Variants in ADAMTS7 observed in about 807,000 individuals in gnomAD.
The protein encoded by ADAMTS7 is ADAM metallopeptidase with thrombospondin type 1 motif 7, also known as A disintegrin and metalloproteinase with thrombospondin motifs 7.
ADAMTS7 carries 89 observed loss-of-function variants against 172.6 expected under a neutral mutation model. The observed-to-expected ratio is 0.52, with a 90% CI of 0.43 to 0.61. The LOEUF is 0.61. ADAMTS7 is among the 20% of genes least tolerant of loss of function. The pLI, the probability that ADAMTS7 is intolerant of heterozygous loss-of-function variation, is 0.00. For synonymous variants in ADAMTS7, 885 were observed against 978.4 expected, an observed-to-expected ratio of 0.90 and a Z score of 1.78; for missense variants, 1,973 against 2,355.6, an observed-to-expected ratio of 0.84 and a Z score of 3.36.
rs776527968 is a variant in ADAMTS7, at chr15:78,766,269, G to A, written c.3642C>T (p.Thr1214=). The A allele has an allele frequency of 1.9e-6, 3 of 1,611,914 alleles. No homozygotes were observed. The highest frequency in any genetic ancestry group is 2.5e-6 in the Non-Finnish European group (3 of 1,180,002). ...SQLPPPWRDR[T]NEVFKDDEEP... Reference sequence around the variant, plus strand: ...CCTCATCATCCTTGAAAACCTCATTGGTCCTGTCCCGCCATGGAGGGGGCA... The same window carrying A: ...CCTCATCATCCTTGAAAACCTCATTAGTCCTGTCCCGCCATGGAGGGGGCA... The change falls in exon 19 of 24, where the codon ACC becomes ACT. Residue 1214 remains threonine, a synonymous_variant. Coordinates refer to ENST00000388820, the MANE Select transcript of ADAMTS7 (RefSeq NM_014272.5).
rs376831974 is a variant in ADAMTS7 at position 78,787,210 on chromosome 15, C to T, written c.1322+1021G>A. Among the ~76,000 whole-genome samples, 707 of 152,028 alleles carry T rather than the reference C, an allele frequency of 4.7e-3. 3 individuals are homozygous for T. The highest frequency in any genetic ancestry group is 0.015 in the African/African-American group (603 of 41,462). Reference sequence around the variant, plus strand: ...CACAGGAGTCAGCACCCCTGACCCCCGAGTTCTTCTGGGGTCAGCTATACT... The same window carrying T: ...CACAGGAGTCAGCACCCCTGACCCCTGAGTTCTTCTGGGGTCAGCTATACT... On this transcript the variant is annotated intron_variant, in intron 8 of 23. Coordinates refer to ENST00000388820, the MANE Select transcript of ADAMTS7 (RefSeq NM_014272.5).
chr15:78,784,816 A>T (rs2055479671), intron 8 of ADAMTS7, among the ~76,000 whole-genome samples: 1 of 152,188 alleles, frequency 6.6e-6, no homozygotes, highest in South Asian at 2.1e-4. Context: ...GACATTCTGA[A>T]GAAGAGTCAC....
At chr15:78,791,752 TATGGAGC>T (rs2055584262) in intron 4 of ADAMTS7, among the ~76,000 whole-genome samples, 2 of 152,110 alleles carry the variant, frequency 1.3e-5, no homozygotes, top group Non-Finnish European at 2.9e-5. Flanking sequence ...GGCACAGGCC[TATGGAGC>T]CTGCCCACTG....
intron 17 of ADAMTS7, among the ~76,000 whole-genome samples, chr15:78,767,856 AC>A (rs2055181895): frequency 6.6e-6 from 1 of 151,318 alleles, no homozygotes; most frequent in South Asian, 2.1e-4. Flanking sequence ...ACATCCAGGG[AC>A]CCAAAGAGGA....
At chr15:78,806,129 A>AC (rs1567245846) in intron 1 of ADAMTS7, among the ~76,000 whole-genome samples, 17 of 23,138 alleles carry the variant, frequency 7.3e-4, no homozygotes, top group African/African-American at 1.6e-3. Context: ...CACACACACA[A>AC]AAAAAAAAAA....
Position 78,766,844 on chromosome 15 carries a change from G to A in ADAMTS7, c.3067C>T (p.Pro1023Ser), listed in dbSNP as rs1596174839. Residue 1023 changes from proline to serine, a missense_variant, in exon 19 of 24, where the codon CCG (proline) becomes TCG (serine). Around this residue, in one of 8 missense-constraint regions of ADAMTS7, gnomAD observed 771 missense variants for 952.6 expected, o/e 0.81. Transcript: ENST00000388820. ...GAAGGGCGTGGGGCCAGGTGGTGCG[G>A]GATGAAGTCAGCCTCGTTGAAGAGC... The part of the protein sequence containing the change: ...HELFNEADFI[P>S]HHLAPRPSPA... 3.1e-6 allele frequency: 5 copies of A among 1,610,184 alleles called. No individual in the cohort carries two copies. The highest frequency in any genetic ancestry group is 4.2e-6 in the Non-Finnish European group (5 of 1,179,534).
intron 1 of ADAMTS7, chr15:78,810,852 C>A (rs2055857180): frequency 3.0e-6 from 1 of 330,564 alleles, no homozygotes; most frequent in Non-Finnish European, 5.4e-6. Flanking sequence ...AACCGGAGCC[C>A]GAAGAGCGGA....
Position 78,763,736 on chromosome 15 carries a change from TG to T in ADAMTS7, c.4702del (p.His1568ThrfsTer147), listed in dbSNP as rs1190975864. 4.4e-6 allele frequency: 7 copies of T among 1,591,066 alleles called. No individual in the cohort carries two copies. The highest frequency in any genetic ancestry group is 6.0e-6 in the Non-Finnish European group (7 of 1,171,082). ...RPNTTRPCNTHPCTQWVVGPW... is the reference protein window; with the variant it reads ...RPNTTRPCNTXPCTQWVVGPW... ...CCCCACCACCCACTGCGTGCAGGGGTGGGTGTTGCAGGGCCGGGTGGTGTTG... is the reference window on the plus strand; with the variant it reads ...CCCCACCACCCACTGCGTGCAGGGGTGGTGTTGCAGGGCCGGGTGGTGTTG... On this transcript the variant is annotated frameshift_variant, in exon 22 of 24. Transcript: ENST00000388820. LOFTEE classifies it high-confidence loss of function.
chr15:78,803,975 C>T (rs1226056702), intron 1 of ADAMTS7, among the ~76,000 whole-genome samples: 1 of 152,110 alleles, frequency 6.6e-6, no homozygotes, highest in African/African-American at 2.4e-5. Context: ...TCACGGATCC[C>T]CTCAGTTCAC....
chr15:78,766,390 A>G lies in ADAMTS7; in HGVS notation c.3521T>C (p.Leu1174Pro). 13 of 1,597,546 alleles carry G rather than the reference A, an allele frequency of 8.1e-6. No homozygotes were observed. The highest frequency in any genetic ancestry group is 1.1e-5 in the Non-Finnish European group (13 of 1,173,552). Residue 1174 changes from leucine (L) to proline (P), a missense_variant, in exon 19 of 24, where the codon CTG (leucine) becomes CCG (proline). Coordinates refer to ENST00000388820, the MANE Select transcript of ADAMTS7 (RefSeq NM_014272.5). ...ATCAGTGGAAACCCTGGGCCAGGACAGGCTGGGGAGCCCAAGATCTGGGGC... is the reference window on the plus strand; with the variant it reads ...ATCAGTGGAAACCCTGGGCCAGGACGGGCTGGGGAGCCCAAGATCTGGGGC... Reference protein sequence around the residue: ...IGAPDLGLPSLSWPRVSTDGL... With the variant: ...IGAPDLGLPSPSWPRVSTDGL...
At chr15:78,763,515 G>A (rs1031282537) in intron 22 of ADAMTS7, among the ~76,000 whole-genome samples, 184 bp downstream of exon 22, 5 of 152,148 alleles carry the variant, frequency 3.3e-5, no homozygotes, top group African/African-American at 7.2e-5. Context: ...CACAGCACAC[G>A]CGCCCTTTCC....
chr15:78,807,778 T>C (rs564685239), intron 1 of ADAMTS7, among the ~76,000 whole-genome samples: 1 of 152,388 alleles, frequency 6.6e-6, no homozygotes, highest in East Asian at 1.9e-4. Flanking sequence ...ATTTAGCTTT[T>C]TCTTTTAAAA....
At chr15:78,791,286 AC>A in intron 4 of ADAMTS7, 63 bp from the exon 5 acceptor site, 1 of 1,231,640 alleles carries the variant, frequency 8.1e-7, no homozygotes, top group African/African-American at 1.7e-5. Flanking sequence ...GCCAATGCCC[AC>A]CCCAACCCAC....
intron 8 of ADAMTS7, among the ~76,000 whole-genome samples, chr15:78,782,219 C>T (rs1248808259): frequency 6.6e-6 from 1 of 152,008 alleles, no homozygotes; most frequent in South Asian, 2.1e-4. Context: ...TTAGTAGAGA[C>T]AGGGTTTCAC....
intron 2 of ADAMTS7, 146 bp downstream of exon 2, chr15:78,800,046 C>T: frequency 1.4e-6 from 1 of 712,666 alleles, no homozygotes; most frequent in East Asian, 3.0e-5. Context: ...CGTTGTCACT[C>T]CCACTTTACA....
In ADAMTS7 at chr15:78,774,647, G is replaced by T. The variant is rs753654633; in HGVS notation, c.1853C>A (p.Thr618Lys). Residue 618 changes from threonine to lysine, a missense_variant, in exon 12 of 24, where the codon ACA becomes AAA. By Grantham distance (78) the Thr-to-Lys change is moderately conservative (BLOSUM62 -1). This residue lies in a region of ADAMTS7 where 526 missense variants were observed against 662.9 expected (regional missense o/e 0.79). Coordinates refer to ENST00000388820, the MANE Select transcript of ADAMTS7 (RefSeq NM_014272.5). ...DAMLYKGQLH[T>K]WVPVVNDVNP... is the part of the protein sequence containing the mutation. ...ACCGTCATTGACCACGGGCACCCAT[G>T]TGTGCAGCTGGCCCTTGTAGAGCAT... 1.4e-5 allele frequency: 23 copies of T among 1,611,650 alleles called. No individual in the cohort carries two copies. The highest frequency in any genetic ancestry group is 1.9e-5 in the Non-Finnish European group (23 of 1,179,820).
At position 78,774,608 on chromosome 15, in the gene ADAMTS7, G is replaced by A. The variant is rs1208158159; in HGVS notation, c.1876+16C>T. ...GCCCTCTAAGCCTCAATGTCTCCATGGGGGGCAGCACTCACCGTCATTGAC... is the reference window on the plus strand; with the variant it reads ...GCCCTCTAAGCCTCAATGTCTCCATAGGGGGCAGCACTCACCGTCATTGAC... On this transcript the variant is annotated intron_variant, in intron 12 of 23. Coordinates refer to ENST00000388820, the MANE Select transcript of ADAMTS7 (RefSeq NM_014272.5). 29 of 1,611,362 alleles carry A rather than the reference G, an allele frequency of 1.8e-5. No homozygotes were observed. The highest frequency in any genetic ancestry group is 2.5e-5 in the Non-Finnish European group (29 of 1,179,642).
In ADAMTS7 at chr15:78,762,159, G is replaced by A. The variant is rs1188030754; in HGVS notation, c.4903+244C>T. The A allele has an allele frequency of 1.0e-5, 9 of 874,200 alleles. 1 individual carries two copies. Among genetic ancestry groups the A allele is most frequent in the Non-Finnish European group, 1.2e-5 (9 of 728,492 alleles). The allele number at this position is 874,200 out of a possible 1,614,324, so 54.2% of individuals were successfully genotyped here. A position where few individuals can be genotyped will look rare whatever the true frequency, so the allele number is the denominator to read the frequency against. ...AGGGCCACTCCCTCTACTCCCCCAAGGTCAGACAGCTGCCTATGGGATGTT... is the reference window on the plus strand; with the variant it reads ...AGGGCCACTCCCTCTACTCCCCCAAAGTCAGACAGCTGCCTATGGGATGTT... On this transcript the variant is annotated intron_variant, in intron 23 of 23. Coordinates refer to ENST00000388820, the MANE Select transcript of ADAMTS7 (RefSeq NM_014272.5).
At chr15:78,807,343 C>T (rs759600325) in intron 1 of ADAMTS7, among the ~76,000 whole-genome samples, 6 of 152,186 alleles carry the variant, frequency 3.9e-5, no homozygotes, top group Non-Finnish European at 7.3e-5. Context: ...GGGGAAGAAC[C>T]CATGCCCCAG....
Sources: gnomAD v4.1 joint callset for allele counts (sites outside exome capture counted in the v4.1 genomes callset) on GRCh38, gnomAD v4.1.1 for gene constraint, gnomAD v4.1.1 regional missense constraint, MANE v1.5 for transcripts, NCBI Gene and HGNC (gene_info 2026-07-23, HGNC 2026-07-21) for gene names.